EYA1: variants seen among roughly 807,000 people sequenced by gnomAD.
EYA1 encodes the protein protein phosphatase EYA1.
EYA1 carries 16 observed loss-of-function variants against 82.0 expected under a neutral mutation model. The observed-to-expected ratio is 0.20, with a 90% CI of 0.13 to 0.30. EYA1 has a LOEUF of 0.30. Among genes scored for constraint, EYA1 ranks in the 10% least tolerant of loss-of-function variants. EYA1 has a pLI of 1.00. For synonymous variants in EYA1, 261 were observed against 264.4 expected (o/e 0.99, Z 0.12); for missense variants, 633 against 730.7 (o/e 0.87, Z 1.54).
At chr8:71,236,875 G>C (rs1371296009) in intron 12 of EYA1, among the ~76,000 whole-genome samples, 1 of 152,094 alleles carries the variant, frequency 6.6e-6, no homozygotes, top group Non-Finnish European at 1.5e-5. Context: ...TTGAGTAAAA[G>C]GATCAGCACA....
intron 12 of EYA1, among the ~76,000 whole-genome samples, chr8:71,234,766 A>C (rs1051199200): frequency 1.1e-4 from 17 of 152,150 alleles, no homozygotes; most frequent in African/African-American, 3.9e-4. Context: ...CGGGACTCCC[A>C]AAACTATACC....
At position 71,509,270 on chromosome 8, in the gene EYA1, T is replaced by C. The variant is rs1379172198; in HGVS notation, c.33+26474A>G. Among the ~76,000 whole-genome samples the C allele has an allele frequency of 2.0e-5, 3 of 152,176 alleles. No individual in the cohort carries two copies. The East Asian group carries it at 5.8e-4, about 29-fold the overall frequency. On this transcript the variant is annotated intron_variant, in intron 2 of 18. Coordinates refer to the EYA1 transcript ENST00000643681. Reference sequence around the variant, plus strand: ...TAAATAATTATTTTGTTTTGCTTCTTAAAGCAAGCAAATATATTATTTTTG... The same window carrying C: ...TAAATAATTATTTTGTTTTGCTTCTCAAAGCAAGCAAATATATTATTTTTG...
At position 71,275,283 on chromosome 8, in the gene EYA1, A is replaced by G. The variant is rs991985137; in HGVS notation, c.827-3386T>C. On this transcript the variant is annotated intron_variant, in intron 9 of 17. Coordinates refer to ENST00000340726, the MANE Select transcript of EYA1 (RefSeq NM_000503.6). ...AAAGATGCAGTAAAAAATCATGCCC[A>G]TGTCAGTGGTTTCACAACTGGGTGA... Among the ~76,000 whole-genome samples the G allele has an allele frequency of 2.6e-5, 4 of 152,242 alleles. No homozygotes were observed. The East Asian group carries it at 7.7e-4, about 29-fold the overall frequency.
intron 3 of EYA1, among the ~76,000 whole-genome samples, chr8:71,341,127 T>C (rs1015486265): frequency 6.6e-6 from 1 of 152,322 alleles, no homozygotes; most frequent in East Asian, 1.9e-4. Flanking sequence ...AATTTTTGTA[T>C]GTTTAGAGAG....
intron 11 of EYA1, among the ~76,000 whole-genome samples, chr8:71,268,717 G>A (rs1477537977): frequency 1.3e-5 from 2 of 152,190 alleles, no homozygotes; most frequent in South Asian, 2.1e-4. Context: ...CCTTTGAGAT[G>A]ATGAAAAGGA....
At chr8:71,296,047 T>A (rs1256048819) in intron 9 of EYA1, among the ~76,000 whole-genome samples, 2 of 152,168 alleles carry the variant, frequency 1.3e-5, no homozygotes, top group Non-Finnish European at 2.9e-5. Flanking sequence ...TTCTAATGTA[T>A]CTGCAGATTA....
At chr8:71,486,682 G>T (rs914368264) in intron 2 of EYA1, among the ~76,000 whole-genome samples, 1 of 152,190 alleles carries the variant, frequency 6.6e-6, no homozygotes, top group Non-Finnish European at 1.5e-5. Flanking sequence ...GACAGCAGGG[G>T]CAGATCAGGA....
At chr8:71,403,043 A>G (rs80215027) in intron 2 of EYA1, among the ~76,000 whole-genome samples, 2,372 of 152,296 alleles carry the variant, frequency 0.016, 55 homozygotes, top group African/African-American at 0.053. Flanking sequence ...CCCAGGCAAA[A>G]TGGTAAACCC....
chr8:71,325,767 T>C (rs1302428449), intron 4 of EYA1, among the ~76,000 whole-genome samples: 2 of 152,222 alleles, frequency 1.3e-5, no homozygotes, highest in Non-Finnish European at 1.5e-5. Flanking sequence ...TCAAAGGCCA[T>C]ATAAGAAGTC....
chr8:71,397,746 C>G (rs146091387), intron 2 of EYA1, among the ~76,000 whole-genome samples: 1 of 151,990 alleles, frequency 6.6e-6, no homozygotes, highest in Admixed American at 6.6e-5. Flanking sequence ...TCAACTTTGG[C>G]AAATCTAACA....
chr8:71,430,916 A>C (rs1283915525), intron 2 of EYA1, among the ~76,000 whole-genome samples: 1 of 148,526 alleles, frequency 6.7e-6, no homozygotes, highest in African/African-American at 2.5e-5. Flanking sequence ...AAAAAAAAAA[A>C]ACACTACAGG....
At chr8:71,460,973 G>A (rs1808315895) in intron 2 of EYA1, among the ~76,000 whole-genome samples, 1 of 152,212 alleles carries the variant, frequency 6.6e-6, no homozygotes, top group South Asian at 2.1e-4. Context: ...TAATTACATT[G>A]TCTGGTGAAA....
rs780673542 is a variant in EYA1, at chr8:71,321,740, A to T, written c.412T>A (p.Ser138Thr). ...ACAGTTGCAGGTTACTCACCATATG[A>T]GGAAATGCCGTACGGCTGTCCTGGC... ...PQPGQPYGIS[S>T]YGALWAGIKT... is the part of the protein sequence containing the mutation. The change falls in exon 6 of 18, where the codon TCA (serine) becomes ACA (threonine). Residue 138 changes from serine (S) to threonine (T), a missense_variant. By Grantham distance (58) the Ser-to-Thr change is moderately conservative (BLOSUM62 1). Transcript: ENST00000340726. 7 of 1,614,090 alleles carry T rather than the reference A, an allele frequency of 4.3e-6. No individual in the cohort carries two copies. The highest frequency in any genetic ancestry group is 1.7e-5 in the Admixed American group (1 of 60,026).
intron 3 of EYA1, among the ~76,000 whole-genome samples, chr8:71,347,194 T>C (rs1825823177): frequency 1.3e-5 from 2 of 152,240 alleles, no homozygotes; most frequent in Admixed American, 1.3e-4. Context: ...AGAATGTGGC[T>C]TTGAAATCAG....
At position 71,433,347 on chromosome 8, in the gene EYA1, G is replaced by A. The variant is rs933659764; in HGVS notation, c.34-76836C>T. On this transcript the variant is annotated intron_variant, in intron 2 of 18. Transcript: ENST00000643681. ...AGGATGTCAGAATATTTCAGTATCC[G>A]GAATTTACTAAAGATAATCATATAC... 3.3e-5 allele frequency among the ~76,000 whole-genome samples: 5 copies of A among 152,036 alleles called. No homozygotes were observed. In the East Asian group the frequency reaches 5.8e-4, roughly 18 times the overall value.
At chr8:71,269,501 G>C (rs1050665198) in intron 11 of EYA1, among the ~76,000 whole-genome samples, 106 of 152,264 alleles carry the variant, frequency 7.0e-4, no homozygotes, top group East Asian at 3.9e-4. Context: ...ATTCACTGGG[G>C]TCTGAATAAG....
chr8:71,336,589 T>G (rs1283835620), intron 3 of EYA1, among the ~76,000 whole-genome samples: 1 of 152,194 alleles, frequency 6.6e-6, no homozygotes, highest in East Asian at 1.9e-4. Flanking sequence ...TAATCGAATG[T>G]AGCCTTCACT....
intron 9 of EYA1, 75 bp from the exon 10 acceptor site, chr8:71,271,972 A>C: frequency 6.6e-7 from 1 of 1,522,424 alleles, no homozygotes. Flanking sequence ...GTTTTAATTC[A>C]CAAGGGGAGT....
At chr8:71,409,423 A>C in intron 2 of EYA1, among the ~76,000 whole-genome samples, 1 of 6,584 alleles carries the variant, frequency 1.5e-4, no homozygotes, top group East Asian at 1.0e-3. Flanking sequence ...CAAAAAATTA[A>C]TGAATCCAGG....
Sources: allele counts gnomAD v4.1 joint callset (sites outside exome capture counted in the v4.1 genomes callset), GRCh38; gene constraint gnomAD v4.1.1; transcripts MANE v1.5; gene names NCBI Gene and HGNC (gene_info 2026-07-23, HGNC 2026-07-21).